DPH6: variants seen among roughly 807,000 people sequenced by gnomAD.
DPH6 encodes the protein diphthamine biosynthesis 6.
In DPH6, 33 loss-of-function variants were observed where a neutral mutation model predicts 38.2. The ratio of observed to expected loss-of-function variants is 0.86; its 90% CI spans 0.65 to 1.15. The LOEUF (loss-of-function observed/expected upper bound fraction) is 1.15, where lower values mean the gene tolerates loss of function less well. DPH6 is among the 50% of genes most tolerant of loss of function. The pLI is 0.00. For missense variants in DPH6, 325 were observed against 320.0 expected, an observed-to-expected ratio of 1.02 and a Z score of -0.12; for synonymous variants, 108 against 103.0, an observed-to-expected ratio of 1.05 and a Z score of -0.30.
At chr15:35,158,738 G>T in the DPH6 span, among the ~76,000 whole-genome samples, 32 of 152,076 alleles carry the variant, frequency 2.1e-4, no homozygotes, top group Non-Finnish European at 4.4e-4. Flanking sequence ...ATACACAATG[G>T]GTTTTAGTTA....
intron 3 of DPH6, among the ~76,000 whole-genome samples, chr15:35,234,523 TC>T (rs1375845868): frequency 1.3e-5 from 2 of 152,352 alleles, no homozygotes; most frequent in East Asian, 3.9e-4. Flanking sequence ...GAACAAGAGA[TC>T]AGTGGCTATT....
chr15:35,207,621 G>T, the DPH6 span, among the ~76,000 whole-genome samples: 1 of 152,048 alleles, frequency 6.6e-6, no homozygotes, highest in Non-Finnish European at 1.5e-5. Context: ...TCACTTCATA[G>T]AAAATTATAA....
At chr15:35,477,245 T>C (rs1445092641) in intron 3 of DPH6, among the ~76,000 whole-genome samples, 1 of 151,870 alleles carries the variant, frequency 6.6e-6, no homozygotes, top group Admixed American at 6.6e-5. Context: ...CTGAATTACA[T>C]AAAATTTCAA....
the DPH6 span, among the ~76,000 whole-genome samples, chr15:35,168,124 A>G: frequency 1.3e-5 from 2 of 152,062 alleles, no homozygotes; most frequent in Non-Finnish European, 2.9e-5. Flanking sequence ...CTCACTCACT[A>G]GACAATGTAA....
intron 3 of DPH6, among the ~76,000 whole-genome samples, chr15:35,239,902 G>A (rs142343783): frequency 0.068 from 9,522 of 139,700 alleles, 1,529 homozygotes; most frequent in Non-Finnish European, 0.098. Context: ...CCTTATTTCC[G>A]CGCCCTAACC....
chr15:35,444,646 A>C (rs1425637977), intron 5 of DPH6, among the ~76,000 whole-genome samples: 1 of 152,214 alleles, frequency 6.6e-6, no homozygotes. Context: ...TCTTTCCTAC[A>C]TAAGAGTATA....
intron 4 of DPH6, 22 bp from the exon 5 acceptor site, chr15:35,450,825 A>G: frequency 6.4e-7 from 1 of 1,561,020 alleles, no homozygotes. Flanking sequence ...AAAGAAAAAG[A>G]AAGTCAGATG....
intron 3 of DPH6, among the ~76,000 whole-genome samples, chr15:35,505,204 T>G (rs1013705856): frequency 2.2e-4 from 34 of 152,130 alleles, no homozygotes; most frequent in Non-Finnish European, 1.5e-5. Flanking sequence ...GGAAGTGCAT[T>G]GCTCAGTTTT....
At chr15:35,217,481 A>G (rs1373639100) in exon 4 of DPH6, 2 of 152,204 alleles carry the variant, frequency 1.3e-5, no homozygotes, top group African/African-American at 4.8e-5. Flanking sequence ...CCTCCCAAGT[A>G]GCTGGGATTA....
chr15:35,478,808 G>C (rs2054293396), intron 3 of DPH6, among the ~76,000 whole-genome samples: 1 of 151,950 alleles, frequency 6.6e-6, no homozygotes, highest in Non-Finnish European at 1.5e-5. Context: ...AGAGGATTTA[G>C]AAGCTCCTAC....
intron 3 of DPH6, among the ~76,000 whole-genome samples, chr15:35,360,295 TGCGG>T (rs2052602994): frequency 6.6e-6 from 1 of 151,772 alleles, no homozygotes; most frequent in Non-Finnish European, 1.5e-5. Flanking sequence ...GGCCTGTTAC[TGCGG>T]GCACAGGTGG....
At chr15:35,517,257 A>G (rs939305921) in intron 3 of DPH6, among the ~76,000 whole-genome samples, 4 of 152,122 alleles carry the variant, frequency 2.6e-5, no homozygotes, top group Admixed American at 2.0e-4. Flanking sequence ...CTTCCTGAAC[A>G]GTCTGCAGTG....
At chr15:35,436,499 C>CA (rs367633039) in intron 5 of DPH6, among the ~76,000 whole-genome samples, 47 of 21,942 alleles carry the variant, frequency 2.1e-3, no homozygotes, top group Non-Finnish European at 3.3e-3. Flanking sequence ...CAAAACAAAA[C>CA]AAAACAAAAC....
chr15:35,481,573 T>A (rs1488511108), intron 3 of DPH6, among the ~76,000 whole-genome samples: 2 of 152,198 alleles, frequency 1.3e-5, no homozygotes, highest in Non-Finnish European at 2.9e-5. Context: ...GAGATTACTG[T>A]AAATTGTTTT....
chr15:35,236,688 C>A (rs1026277850), intron 3 of DPH6, among the ~76,000 whole-genome samples: 1 of 151,558 alleles, frequency 6.6e-6, no homozygotes, highest in Non-Finnish European at 1.5e-5. Context: ...TATTGGTAAT[C>A]AGGTATCTAC....
chr15:35,471,726 T>G (rs552819775), intron 3 of DPH6, among the ~76,000 whole-genome samples: 70 of 152,308 alleles, frequency 4.6e-4, no homozygotes, highest in Middle Eastern at 3.4e-3. Context: ...TCACAACCTA[T>G]GAAACCATAT....
At chr15:35,497,220 T>C (rs1331496915) in intron 3 of DPH6, among the ~76,000 whole-genome samples, 2 of 152,190 alleles carry the variant, frequency 1.3e-5, no homozygotes, top group East Asian at 1.9e-4. Context: ...TTGCTCCCCA[T>C]TACATTCTTA....
intron 3 of DPH6, chr15:35,299,021 A>G: frequency 1.4e-6 from 1 of 731,076 alleles, no homozygotes; most frequent in Non-Finnish European, 2.5e-6. Flanking sequence ...ACTCACGTGC[A>G]TCATGTCTGT....
At chr15:35,281,069 G>C (rs1433905387) in intron 3 of DPH6, among the ~76,000 whole-genome samples, 1 of 151,870 alleles carries the variant, frequency 6.6e-6, no homozygotes, top group Non-Finnish European at 1.5e-5. Context: ...TTGTCATTTA[G>C]CATTAGGTAT....
Sources: allele counts gnomAD v4.1 joint callset (sites outside exome capture counted in the v4.1 genomes callset), GRCh38; gene constraint gnomAD v4.1.1; transcripts MANE v1.5; gene names NCBI Gene and HGNC (gene_info 2026-07-23, HGNC 2026-07-21).